MEIS1: variants seen among roughly 807,000 people sequenced by gnomAD.
The protein encoded by MEIS1 is homeobox protein Meis1.
A neutral mutation model predicts 50.8 loss-of-function variants in MEIS1; 5 were observed. The observed-to-expected ratio is 0.10, with a 90% confidence interval of 0.05 to 0.21. The LOEUF is 0.21. Ranked by LOEUF, MEIS1 falls within the 10% of genes least tolerant of loss-of-function variation. The pLI is 1.00. For synonymous variants in MEIS1, 176 were observed against 179.3 expected, an observed-to-expected ratio of 0.98 and a Z score of 0.15; for missense variants, 318 against 517.3, an observed-to-expected ratio of 0.61 and a Z score of 3.74.
At chr2:66,558,297 A>G (rs1405458532) in intron 9 of MEIS1, among the ~76,000 whole-genome samples, 46 of 148,852 alleles carry the variant, frequency 3.1e-4, no homozygotes, top group African/African-American at 9.8e-4. Flanking sequence ...AAAAAAAAAA[A>G]AAAAAAAGAA....
Position 66,459,811 on chromosome 2 carries a change from A to G in MEIS1, c.631-4298A>G, listed in dbSNP as rs561673625. On this transcript the variant is annotated intron_variant, in intron 6 of 12. Transcript: ENST00000272369. ...TGAGTAGGAAGTTTGGTGGAGACAA[A>G]GAGTTTAGCTTTGGACTTGCTGAGT... Among the ~76,000 whole-genome samples the G allele has an allele frequency of 3.9e-5, 6 of 152,300 alleles. No homozygotes were observed. The East Asian group carries it at 1.2e-3, about 29-fold the overall frequency.
chr2:66,440,943 C>G (rs1187943101), intron 4 of MEIS1: 5 of 390,384 alleles, frequency 1.3e-5, no homozygotes, highest in Non-Finnish European at 2.3e-5. Flanking sequence ...TCCTAGCCCT[C>G]TAAGTCCCAT....
intron 8 of MEIS1, among the ~76,000 whole-genome samples, chr2:66,521,484 G>A (rs909176279): frequency 3.9e-5 from 6 of 152,014 alleles, no homozygotes; most frequent in African/African-American, 4.8e-5. Context: ...TCCAACTGTC[G>A]TTTCTCAGCA....
At chr2:66,464,820 T>C (rs114651309) in intron 7 of MEIS1, among the ~76,000 whole-genome samples, 2,533 of 152,316 alleles carry the variant, frequency 0.017, 32 homozygotes, top group Non-Finnish European at 0.023. Context: ...CCTATGTGTA[T>C]GTGAGTGTCC....
chr2:66,530,882 G>A (rs534244567), intron 8 of MEIS1, among the ~76,000 whole-genome samples: 2 of 152,318 alleles, frequency 1.3e-5, no homozygotes, highest in Admixed American at 1.3e-4. Flanking sequence ...TTTCAGTACT[G>A]GTTGTATAAG....
intron 6 of MEIS1, chr2:66,461,734 G>C (rs1362482247): frequency 2.9e-6 from 1 of 342,316 alleles, no homozygotes; most frequent in Non-Finnish European, 5.9e-6. Context: ...CGATAGCTGT[G>C]AGAAAAGAGG....
chr2:66,522,010 C>T (rs1043535260), intron 8 of MEIS1, among the ~76,000 whole-genome samples: 1 of 152,172 alleles, frequency 6.6e-6, no homozygotes, highest in Non-Finnish European at 1.5e-5. Flanking sequence ...ATCCGTAATG[C>T]GATGGGTGGG....
At chr2:66,444,398 C>T (rs1672077271) in intron 6 of MEIS1, among the ~76,000 whole-genome samples, 1 of 152,234 alleles carries the variant, frequency 6.6e-6, no homozygotes, top group African/African-American at 2.4e-5. Context: ...CTTCTCTCAA[C>T]ATCATCCTCT....
intron 8 of MEIS1, among the ~76,000 whole-genome samples, chr2:66,529,007 C>T (rs756340929): frequency 6.6e-6 from 1 of 152,140 alleles, no homozygotes; most frequent in African/African-American, 2.4e-5. Context: ...ACATGCTGTT[C>T]CCTCACCTGA....
intron 7 of MEIS1, among the ~76,000 whole-genome samples, chr2:66,467,118 A>G (rs1385667632): frequency 6.6e-6 from 1 of 152,222 alleles, no homozygotes; most frequent in African/African-American, 2.4e-5. Flanking sequence ...CAAAGTAGAT[A>G]AAATGAAATA....
chr2:66,531,620 C>T (rs995800375), intron 8 of MEIS1, among the ~76,000 whole-genome samples: 1 of 152,206 alleles, frequency 6.6e-6, no homozygotes, highest in African/African-American at 2.4e-5. Context: ...CACGGTTACA[C>T]AACGCATAAA....
intron 8 of MEIS1, among the ~76,000 whole-genome samples, chr2:66,525,433 T>C (rs1024940990): frequency 6.6e-6 from 1 of 152,182 alleles, no homozygotes; most frequent in African/African-American, 2.4e-5. Context: ...ACAAGCAAGA[T>C]GACAGATTTT....
intron 9 of MEIS1, among the ~76,000 whole-genome samples, chr2:66,549,460 C>G (rs1254438323): frequency 6.6e-6 from 1 of 151,518 alleles, no homozygotes; most frequent in Non-Finnish European, 1.5e-5. Flanking sequence ...GCTGTTAATA[C>G]TACATATTGG....
Position 66,550,521 on chromosome 2 carries a change from C to T in MEIS1, c.965+2502C>T, listed in dbSNP as rs564444617. Among the ~76,000 whole-genome samples, 91 of 150,252 alleles carry T rather than the reference C, an allele frequency of 6.1e-4. 1 individual carries two copies. Among genetic ancestry groups the T allele is most frequent in the Non-Finnish European group, 1.1e-3 (74 of 67,752 alleles). On this transcript the variant is annotated intron_variant, in intron 9 of 12. Transcript: ENST00000272369. ...GTTTTGTTTTGTTTTGTTTTGATAC[C>T]GAGTCCTGCTCTGTTGTCCGGGCTG...
chr2:66,449,851 A>G (rs1158828847), intron 6 of MEIS1, among the ~76,000 whole-genome samples: 1 of 152,134 alleles, frequency 6.6e-6, no homozygotes, highest in Non-Finnish European at 1.5e-5. Flanking sequence ...CAATTATTTT[A>G]TATTCTTGAC....
At chr2:66,521,017 G>A (rs1313052085) in intron 8 of MEIS1, among the ~76,000 whole-genome samples, 2 of 152,192 alleles carry the variant, frequency 1.3e-5, no homozygotes, top group Non-Finnish European at 2.9e-5. Flanking sequence ...ATAAGCCAGA[G>A]GGCTTGGCAT....
At chr2:66,441,729 T>C in intron 5 of MEIS1, 1 of 442,210 alleles carries the variant, frequency 2.3e-6, no homozygotes. Context: ...GTTGCAATTC[T>C]GTGCATCCCA....
intron 7 of MEIS1, among the ~76,000 whole-genome samples, chr2:66,503,773 C>T (rs1673619380): frequency 9.0e-6 from 1 of 110,872 alleles, no homozygotes; most frequent in Admixed American, 1.3e-4. Flanking sequence ...GAGACGGGGT[C>T]TAGCTCTGTC....
chr2:66,530,673 G>A (rs376222250), intron 8 of MEIS1, among the ~76,000 whole-genome samples: 5 of 151,256 alleles, frequency 3.3e-5, no homozygotes, highest in African/African-American at 9.7e-5. Context: ...CCGCGATTGC[G>A]CCACTGCACT....
Sources: allele counts gnomAD v4.1 joint callset (sites outside exome capture counted in the v4.1 genomes callset), GRCh38; gene constraint gnomAD v4.1.1; transcripts MANE v1.5; gene names NCBI Gene and HGNC (gene_info 2026-07-23, HGNC 2026-07-21).